Variants in CCDC73 observed in about 807,000 individuals in gnomAD.
The protein encoded by CCDC73 is coiled-coil domain containing 73.
Under a neutral mutation model 116.5 loss-of-function variants are expected in CCDC73, and 95 were observed. The observed-to-expected ratio is 0.82, with a 90% CI of 0.69 to 0.97. The LOEUF (loss-of-function observed/expected upper bound fraction) is 0.97. Ranked by LOEUF, CCDC73 falls within the 50% of genes least tolerant of loss-of-function variation. The pLI is 0.00. For missense variants in CCDC73, 1,066 were observed against 1,206.8 expected (o/e 0.88, Z 1.73); for synonymous variants, 398 against 401.3 (o/e 0.99, Z 0.10).
At chr11:32,782,895 C>T (rs1359437170) in intron 1 of CCDC73, among the ~76,000 whole-genome samples, 1 of 151,360 alleles carries the variant, frequency 6.6e-6, no homozygotes, top group East Asian at 1.9e-4. Context: ...AGCAAAAAAC[C>T]AAAGAAATAG....
rs768056718 is a variant in CCDC73 at position 32,641,994 on chromosome 11, G to A, written c.1028C>T (p.Ala343Val). 6.5e-7 allele frequency: 1 copy of A among 1,534,954 alleles called. No individual in the cohort carries two copies. The highest frequency in any genetic ancestry group is 8.8e-7 in the Non-Finnish European group (1 of 1,139,096). The change falls in exon 13 of 18, where the codon GCA becomes GTA. Residue 343 changes from alanine to valine, a missense_variant. Transcript: ENST00000335185. ...FLNLQNEHEK[A>V]LGTWKRHAEE... ...TACATGTCTTTTCCAAGTTCCTAGT[G>A]CTTTTTCATGCTCATTTTGAAGATT...
At chr11:32,625,578 TC>T (rs1218822687) in intron 14 of CCDC73, among the ~76,000 whole-genome samples, 1 of 152,212 alleles carries the variant, frequency 6.6e-6, no homozygotes, top group African/African-American at 2.4e-5. Context: ...GGTTGAAAAT[TC>T]TTTTCTTTAA....
At chr11:32,629,432 T>G (rs1217482044) in intron 14 of CCDC73, among the ~76,000 whole-genome samples, 2 of 136,272 alleles carry the variant, frequency 1.5e-5, no homozygotes, top group East Asian at 3.9e-4. Context: ...TTTTTTTTTT[T>G]GAGGCGGAGT....
intron 3 of CCDC73, among the ~76,000 whole-genome samples, chr11:32,716,293 C>T (rs1306725697): frequency 6.6e-6 from 1 of 151,894 alleles, no homozygotes; most frequent in Non-Finnish European, 1.5e-5. Context: ...TCCATTATTC[C>T]CCACTGATTT....
chr11:32,821,861 T>G, the CCDC73 span, among the ~76,000 whole-genome samples: 2 of 152,232 alleles, frequency 1.3e-5, no homozygotes, highest in African/African-American at 2.4e-5. Flanking sequence ...AACAAAGATC[T>G]TATTTGACTG....
intron 1 of CCDC73, among the ~76,000 whole-genome samples, chr11:32,782,642 G>A (rs1485503453): frequency 2.0e-5 from 3 of 152,086 alleles, no homozygotes; most frequent in Non-Finnish European, 2.9e-5. Flanking sequence ...CAATTCAGAG[G>A]AAGCAAACAT....
At chr11:32,744,861 G>A (rs1188010347) in intron 2 of CCDC73, among the ~76,000 whole-genome samples, 1 of 151,982 alleles carries the variant, frequency 6.6e-6, no homozygotes, top group Non-Finnish European at 1.5e-5. Context: ...ACCAGCTCCT[G>A]GATTCATTAA....
At chr11:32,617,851 C>G (rs1050072202) in intron 14 of CCDC73, among the ~76,000 whole-genome samples, 10 of 152,128 alleles carry the variant, frequency 6.6e-5, no homozygotes, top group African/African-American at 2.4e-4. Context: ...TCTAATGAAC[C>G]TGTATTTATT....
intron 1 of CCDC73, among the ~76,000 whole-genome samples, chr11:32,770,611 C>T (rs532671821): frequency 6.6e-6 from 1 of 152,266 alleles, no homozygotes; most frequent in Admixed American, 6.5e-5. Context: ...AATAAAGAAA[C>T]TGTTACTGGA....
intron 9 of CCDC73, among the ~76,000 whole-genome samples, chr11:32,663,926 T>C (rs1054285331): frequency 2.6e-5 from 4 of 152,220 alleles, no homozygotes; most frequent in African/African-American, 9.6e-5. Context: ...TTTGTGCATC[T>C]ATTGAGATAA....
At chr11:32,740,316 G>A (rs959172554) in intron 2 of CCDC73, among the ~76,000 whole-genome samples, 3 of 151,896 alleles carry the variant, frequency 2.0e-5, no homozygotes, top group African/African-American at 7.2e-5. Flanking sequence ...TGAAGCCATT[G>A]GGTCCCAGGC....
chr11:32,830,365 C>T, the CCDC73 span: 1 of 838,034 alleles, frequency 1.2e-6, no homozygotes, highest in Non-Finnish European at 1.7e-6. Context: ...GGGCGCGCGT[C>T]GGGTTCCGGC....
intron 1 of CCDC73, among the ~76,000 whole-genome samples, chr11:32,766,526 T>C (rs968199894): frequency 1.3e-5 from 2 of 152,168 alleles, no homozygotes; most frequent in Admixed American, 1.3e-4. Context: ...TTGTCCCTGT[T>C]TGCAGATGAC....
At chr11:32,805,150 C>A in the CCDC73 span, among the ~76,000 whole-genome samples, 1 of 152,180 alleles carries the variant, frequency 6.6e-6, no homozygotes. Flanking sequence ...GAGTTTCTAA[C>A]AATAGTGTCC....
chr11:32,671,456 G>A (rs996643772), intron 9 of CCDC73, among the ~76,000 whole-genome samples: 1 of 150,364 alleles, frequency 6.7e-6, no homozygotes, highest in Non-Finnish European at 1.5e-5. Flanking sequence ...CAACTGTTCT[G>A]GACAAAATCA....
rs149345998 is a variant in CCDC73 at position 32,618,591 on chromosome 11, C to T, written c.1186-2462G>A. On this transcript the variant is annotated intron_variant, in intron 14 of 17. Transcript: ENST00000335185. ...TTTTTGAGACAAAGTCTCACTTTAT[C>T]GCCCAGGCTGGAGTGCAGTGATGCA... Among the ~76,000 whole-genome samples, 236 of 152,236 alleles carry T rather than the reference C, an allele frequency of 1.6e-3. 1 individual carries two copies. The highest frequency in any genetic ancestry group is 5.7e-3 in the Admixed American group (87 of 15,302).
intron 14 of CCDC73, among the ~76,000 whole-genome samples, chr11:32,621,971 C>G (rs532278840): frequency 6.6e-6 from 1 of 152,132 alleles, no homozygotes; most frequent in Non-Finnish European, 1.5e-5. Flanking sequence ...TACCATCTCA[C>G]GCCAAGTCAG....
chr11:32,781,187 T>C (rs754848592), intron 1 of CCDC73, among the ~76,000 whole-genome samples: 6 of 152,234 alleles, frequency 3.9e-5, no homozygotes, highest in Non-Finnish European at 7.3e-5. Context: ...GTTAACACTT[T>C]GTTAGAAACA....
At chr11:32,653,871 C>A in intron 11 of CCDC73, 107 bp downstream of exon 11, 1 of 1,222,574 alleles carries the variant, frequency 8.2e-7, no homozygotes, top group Non-Finnish European at 1.1e-6. Flanking sequence ...ATTTAATACA[C>A]ATTAACTGAG....
Sources: allele counts gnomAD v4.1 joint callset (sites outside exome capture counted in the v4.1 genomes callset), GRCh38; gene constraint gnomAD v4.1.1; transcripts MANE v1.5; gene names NCBI Gene and HGNC (gene_info 2026-07-23, HGNC 2026-07-21).